The following RIMS2 variants were observed in gnomAD, a reference collection of about 807,000 sequenced individuals.
The protein encoded by RIMS2 is regulating synaptic membrane exocytosis 2.
In RIMS2, 59 loss-of-function variants were observed where a neutral mutation model predicts 174.4. The observed-to-expected ratio is 0.34, with a 90% CI of 0.27 to 0.42. The LOEUF is 0.42. RIMS2 is among the 10% of genes least tolerant of loss of function. The pLI, the probability that RIMS2 is intolerant of heterozygous loss-of-function variation, is 1.00. For missense variants in RIMS2, 1,620 were observed against 1,666.3 expected, an observed-to-expected ratio of 0.97 and a Z score of 0.48; for synonymous variants, 606 against 572.5, an observed-to-expected ratio of 1.06 and a Z score of -0.84.
chr8:103,549,049 G>C (rs1022991485), intron 1 of RIMS2, among the ~76,000 whole-genome samples: 1 of 152,090 alleles, frequency 6.6e-6, no homozygotes, highest in East Asian at 1.9e-4. Context: ...AACATTCTGT[G>C]CTGATGGATA....
intron 3 of RIMS2, among the ~76,000 whole-genome samples, chr8:103,849,117 A>G (rs1031666209): frequency 3.9e-5 from 6 of 152,168 alleles, no homozygotes; most frequent in South Asian, 2.1e-4. Flanking sequence ...GCTACCTATA[A>G]TCTATTCCAA....
intron 2 of RIMS2, among the ~76,000 whole-genome samples, chr8:103,714,087 C>T (rs1032443686): frequency 2.6e-5 from 4 of 152,106 alleles, no homozygotes; most frequent in Non-Finnish European, 5.9e-5. Context: ...TTCTTCAGAC[C>T]TCCAATCTAG....
At position 103,652,711 on chromosome 8, in the gene RIMS2, G is replaced by T; in HGVS notation, c.177-44375G>T. The T allele has an allele frequency of 7.5e-7, 1 of 1,341,478 alleles. No homozygotes were observed. Among genetic ancestry groups the T allele is most frequent in the Non-Finnish European group, 9.9e-7 (1 of 1,013,866 alleles). 83.1% of individuals were successfully genotyped at this position (1,341,478 alleles called of 1,614,324 possible). A position where few individuals can be genotyped will look rare whatever the true frequency, so the allele number is the denominator to read the frequency against. ...AACAAAATGAAAAGGAGCCCCAGAC[G>T]TAAGTAAGCTGATCTATATAGACTA... On this transcript the variant is annotated intron_variant, in intron 1 of 23. Coordinates refer to ENST00000504942, the Ensembl canonical transcript of RIMS2.
At chr8:103,673,133 C>T (rs1238364822) in intron 1 of RIMS2, among the ~76,000 whole-genome samples, 1 of 152,222 alleles carries the variant, frequency 6.6e-6, no homozygotes, top group East Asian at 1.9e-4. Context: ...ATGAGGTGGG[C>T]TCCTATGGCC....
In RIMS2 at chr8:103,607,820, CG is replaced by C. The variant is rs761808295; in HGVS notation, c.177-89265del. Among the ~76,000 whole-genome samples, 90 of 133,484 alleles carry C rather than the reference CG, an allele frequency of 6.7e-4. No individual in the cohort carries two copies. The East Asian group carries it at 0.016, about 24-fold the overall frequency. The allele number at this position is 133,484 out of a possible 152,430, so 87.6% of individuals were successfully genotyped here. On this transcript the variant is annotated intron_variant, in intron 1 of 23. Coordinates refer to ENST00000504942, the Ensembl canonical transcript of RIMS2. ...GCTCCTGAGGCTTCTGCATTCTTCA[CG>C]TAGTTCTCGAGCCTTGGTTTTCAGC...
At chr8:104,240,292 C>A (rs2099279970) in intron 19 of RIMS2, among the ~76,000 whole-genome samples, 2 of 152,284 alleles carry the variant, frequency 1.3e-5, no homozygotes, top group African/African-American at 4.8e-5. Context: ...ATTCTCCCTA[C>A]CACATTTTCT....
At chr8:103,875,182 T>C (rs1206646093) in intron 3 of RIMS2, among the ~76,000 whole-genome samples, 1 of 152,018 alleles carries the variant, frequency 6.6e-6, no homozygotes, top group Non-Finnish European at 1.5e-5. Context: ...AATTGTGTAG[T>C]AGTGAAACCT....
intron 19 of RIMS2, among the ~76,000 whole-genome samples, chr8:104,056,202 A>G (rs2096866027): frequency 6.6e-6 from 1 of 152,082 alleles, no homozygotes; most frequent in Admixed American, 6.6e-5. Flanking sequence ...CAGGAGATCA[A>G]GACCATCCTG....
rs1239459471 is a variant in RIMS2, at chr8:103,949,141, A to T, written c.2701+6215A>T. Among the ~76,000 whole-genome samples the T allele has an allele frequency of 9.6e-5, 14 of 145,888 alleles. 1 individual carries two copies. The highest frequency in any genetic ancestry group is 3.4e-4 in the African/African-American group (13 of 38,484). The stretch of plus-strand genomic sequence containing the variant: ...GACTCTGTCAAAAAAAAAAAAAAAA[A>T]AAAAAAGGGAAAGGGAAAGGGAAAG... On this transcript the variant is annotated intron_variant, in intron 14 of 23. Coordinates refer to ENST00000504942, the Ensembl canonical transcript of RIMS2.
chr8:103,553,189 A>G (rs1848844585), intron 1 of RIMS2, among the ~76,000 whole-genome samples: 2 of 152,192 alleles, frequency 1.3e-5, no homozygotes, highest in Admixed American at 1.3e-4. Flanking sequence ...AAGACTTGGA[A>G]CCAACCCAAA....
chr8:103,518,612 G>T (rs749614270), intron 1 of RIMS2, among the ~76,000 whole-genome samples: 9 of 151,796 alleles, frequency 5.9e-5, no homozygotes, highest in Non-Finnish European at 1.2e-4. Context: ...TGTATCAGTT[G>T]TTAAATATTT....
At chr8:104,073,292 A>G (rs1244366739) in intron 19 of RIMS2, among the ~76,000 whole-genome samples, 1 of 152,134 alleles carries the variant, frequency 6.6e-6, no homozygotes, top group Non-Finnish European at 1.5e-5. Flanking sequence ...TAGTTTTTAA[A>G]TTTGCCATAT....
chr8:103,912,967 G>GT lies in RIMS2; in HGVS notation c.1812+797dup, dbSNP rs1168616954. Among the ~76,000 whole-genome samples, 57 of 107,188 alleles carry GT rather than the reference G, an allele frequency of 5.3e-4. 1 individual carries two copies. The highest frequency in any genetic ancestry group is 4.9e-3 in the South Asian group (17 of 3,460). 70.3% of individuals were successfully genotyped at this position (107,188 alleles called of 152,430 possible). ...GTCCTGTCTCTAGCAAACTTTTTTT[G>GT]TTGTTTTTTTTTTTTTTTTTTTTGA... On this transcript the variant is annotated intron_variant, in intron 6 of 23. Coordinates refer to ENST00000504942, the Ensembl canonical transcript of RIMS2.
chr8:104,239,928 G>C (rs185952368), intron 19 of RIMS2, among the ~76,000 whole-genome samples: 2 of 152,232 alleles, frequency 1.3e-5, no homozygotes, highest in African/African-American at 4.8e-5. Flanking sequence ...AGGCCCTTTC[G>C]GTAGTGGACA....
intron 1 of RIMS2, chr8:103,569,113 A>G: frequency 6.8e-6 from 2 of 293,312 alleles, no homozygotes. Context: ...CCATTACCTA[A>G]CCCAAGGTCA....
chr8:103,946,712 C>T lies in RIMS2; in HGVS notation c.2701+3786C>T, dbSNP rs968264765. The stretch of plus-strand genomic sequence containing the variant: ...TCCCCCAATTAGTCTACAGATTAAA[C>T]CCAATTCCTATCAAAATCTAAGCAG... On this transcript the variant is annotated intron_variant, in intron 14 of 23. Transcript: ENST00000504942. 2.6e-5 allele frequency among the ~76,000 whole-genome samples: 4 copies of T among 152,246 alleles called. No homozygotes were observed. In the East Asian group the frequency reaches 7.7e-4, roughly 29 times the overall value.
intron 20 of RIMS2, among the ~76,000 whole-genome samples, chr8:104,245,260 G>T (rs1031230): frequency 6.6e-6 from 1 of 152,056 alleles, no homozygotes; most frequent in Admixed American, 6.5e-5. Context: ...AATAGGTTTG[G>T]GGATAAAGTG....
intron 2 of RIMS2, among the ~76,000 whole-genome samples, chr8:103,714,912 G>A (rs2097350443): frequency 6.6e-6 from 1 of 152,050 alleles, no homozygotes; most frequent in South Asian, 2.1e-4. Flanking sequence ...AGGGTAAGAT[G>A]TTGACTATTT....
intron 3 of RIMS2, among the ~76,000 whole-genome samples, chr8:103,861,658 T>A (rs1262967426): frequency 6.6e-6 from 1 of 152,180 alleles, no homozygotes; most frequent in Non-Finnish European, 1.5e-5. Context: ...TTTGACTTTT[T>A]AATTATAACC....
Sources: allele counts gnomAD v4.1 joint callset (sites outside exome capture counted in the v4.1 genomes callset), GRCh38; gene constraint gnomAD v4.1.1; transcripts MANE v1.5; gene names NCBI Gene and HGNC (gene_info 2026-07-23, HGNC 2026-07-21).